The following GHR variants were observed in gnomAD, a reference collection of about 807,000 sequenced individuals.
GHR encodes the protein GH receptor.
A neutral mutation model predicts 67.1 loss-of-function variants in GHR; 35 were observed. The observed-to-expected ratio is 0.52, with a 90% confidence interval of 0.40 to 0.69. The LOEUF is 0.69. GHR is among the 30% of genes least tolerant of loss of function. GHR has a pLI of 0.00. For missense variants in GHR, 792 were observed against 764.6 expected (o/e 1.04, Z -0.42); for synonymous variants, 272 against 269.1 (o/e 1.01, Z -0.10).
rs867392523 is a variant in GHR, at chr5:42,718,457, G to A, written c.950G>A (p.Gly317Glu). The A allele has an allele frequency of 6.2e-7, 1 of 1,606,454 alleles. No individual in the cohort carries two copies. Among genetic ancestry groups the A allele is most frequent in the Non-Finnish European group, 8.5e-7 (1 of 1,173,536 alleles). ...CATTTTCTTTCTATTTTCTAGGAAG[G>A]AAAATTAGAGGAGGTGAACACAATC... Reference protein sequence around the residue: ...KGIDPDLLKEGKLEEVNTILA... With the variant: ...KGIDPDLLKEEKLEEVNTILA... The change falls in exon 10 of 10, where the codon GGA (glycine) becomes GAA (glutamate). Residue 317 changes from glycine (G) to glutamate (E), a missense_variant. Gly to Glu is a moderately conservative substitution (Grantham distance 98). Coordinates refer to ENST00000230882, the MANE Select transcript of GHR (RefSeq NM_000163.5).
rs1753603288 is a variant in GHR, at chr5:42,624,478, C to T, written c.71-4560C>T. ...AATAACACATATGTTTATGTGCTAT[C>T]CCATGATTAACATATTTTTAAAACC... On this transcript the variant is annotated intron_variant, in intron 2 of 9. Transcript: ENST00000230882. Among the ~76,000 whole-genome samples, 3 of 152,156 alleles carry T rather than the reference C, an allele frequency of 2.0e-5. 1 individual carries two copies. The South Asian group carries it at 6.2e-4, about 32-fold the overall frequency.
chr5:42,679,186 A>C (rs1033580382), intron 3 of GHR, among the ~76,000 whole-genome samples: 1 of 143,766 alleles, frequency 7.0e-6, no homozygotes, highest in Non-Finnish European at 1.5e-5. Context: ...TATATTGTAT[A>C]TTATATATTA....
rs546146914 is a variant in GHR, at chr5:42,503,152, G to A, written c.-11-62712G>A. 3.7e-4 allele frequency among the ~76,000 whole-genome samples: 56 copies of A among 152,202 alleles called. 1 individual carries two copies. In the South Asian group the frequency reaches 8.7e-3, roughly 24 times the overall value. ...TTTTGCCCTTGGCATGTTCCAAATC[G>A]CTTCCTTATGCTCAACCTTCTGAGC... On this transcript the variant is annotated intron_variant, in intron 1 of 9. Coordinates refer to ENST00000230882, the MANE Select transcript of GHR (RefSeq NM_000163.5).
chr5:42,504,329 T>C (rs11748366), intron 1 of GHR, among the ~76,000 whole-genome samples: 24,625 of 152,012 alleles, frequency 0.16, 2,222 homozygotes, highest in Middle Eastern at 0.26. Context: ...AAGAAAGAAA[T>C]GGGGACAGTG....
intron 1 of GHR, among the ~76,000 whole-genome samples, chr5:42,483,096 T>A (rs1745726984): frequency 6.6e-6 from 1 of 152,170 alleles, no homozygotes; most frequent in Non-Finnish European, 1.5e-5. Flanking sequence ...TGAGACAGGG[T>A]CTCACTTTGT....
rs192330074 is a variant in GHR at position 42,535,575 on chromosome 5, G to A, written c.-11-30289G>A. On this transcript the variant is annotated intron_variant, in intron 1 of 9. Transcript: ENST00000230882. ...TGACTATGGCCTTAGAGTATAGTTT[G>A]AAATCAGGCAGTGTGATTCCTCCAG... 2.9e-3 allele frequency among the ~76,000 whole-genome samples: 442 copies of A among 152,220 alleles called. 1 individual carries two copies. The highest frequency in any genetic ancestry group is 5.1e-3 in the Admixed American group (78 of 15,284).
rs773900711 is a variant in GHR, at chr5:42,713,539, C to A, written c.875+20C>A. The A allele has an allele frequency of 9.9e-7, 1 of 1,007,822 alleles. No individual in the cohort carries two copies. The highest frequency in any genetic ancestry group is 1.6e-6 in the Non-Finnish European group (1 of 635,374). 62.4% of individuals were successfully genotyped at this position (1,007,822 alleles called of 1,614,324 possible). On this transcript the variant is annotated intron_variant, in intron 8 of 9. Transcript: ENST00000230882. ...GCAAAGGTAGGTGTGGAGTAGTATTCTTTGGTATTTTGTACCAGTTGTTTA... is the reference window on the plus strand; with the variant it reads ...GCAAAGGTAGGTGTGGAGTAGTATTATTTGGTATTTTGTACCAGTTGTTTA...
rs144712976 is a variant in GHR, at chr5:42,439,125, A to G, written c.-12+15170A>G. Among the ~76,000 whole-genome samples the G allele has an allele frequency of 2.0e-3, 301 of 152,364 alleles. 1 individual carries two copies. Among genetic ancestry groups the G allele is most frequent in the Non-Finnish European group, 3.5e-3 (237 of 68,034 alleles). ...ATGTCCAAAAAACATCATAGTTACA[A>G]TGACATCTCTAGGATTGAGGATTTT... On this transcript the variant is annotated intron_variant, in intron 1 of 9. Transcript: ENST00000230882.
intron 1 of GHR, among the ~76,000 whole-genome samples, chr5:42,561,881 C>G (rs1749627746): frequency 6.6e-6 from 1 of 152,148 alleles, no homozygotes; most frequent in South Asian, 2.1e-4. Context: ...TTAGTAGATT[C>G]CTCCGAACAA....
chr5:42,519,236 A>C (rs1419537782), intron 1 of GHR, among the ~76,000 whole-genome samples: 1 of 152,204 alleles, frequency 6.6e-6, no homozygotes, highest in Non-Finnish European at 1.5e-5. Context: ...CTTCAGCCCA[A>C]AACTTTTTGG....
chr5:42,683,289 C>T (rs574818115), intron 3 of GHR, among the ~76,000 whole-genome samples: 4 of 152,092 alleles, frequency 2.6e-5, no homozygotes, highest in East Asian at 1.9e-4. Flanking sequence ...CATGAGCCAC[C>T]GCGCCCAGCC....
intron 3 of GHR, among the ~76,000 whole-genome samples, chr5:42,654,962 T>A (rs919906691): frequency 1.3e-5 from 2 of 152,080 alleles, no homozygotes; most frequent in Non-Finnish European, 2.9e-5. Flanking sequence ...AAACTCCTCA[T>A]CTGAAAGGGT....
chr5:42,616,625 T>TAC (rs1753163891), intron 2 of GHR, among the ~76,000 whole-genome samples: 1 of 151,070 alleles, frequency 6.6e-6, no homozygotes, highest in Non-Finnish European at 1.5e-5. Flanking sequence ...GAACCATCAA[T>TAC]GTGTAGATGA....
intron 1 of GHR, among the ~76,000 whole-genome samples, chr5:42,470,794 T>C (rs1024159330): frequency 2.6e-5 from 4 of 152,206 alleles, no homozygotes; most frequent in Non-Finnish European, 5.9e-5. Context: ...GAAGGACTAA[T>C]GAATTTAGTT....
intron 3 of GHR, among the ~76,000 whole-genome samples, chr5:42,677,169 A>T (rs1756610941): frequency 6.6e-6 from 1 of 152,200 alleles, no homozygotes; most frequent in African/African-American, 2.4e-5. Context: ...GCTATTAGTG[A>T]GAGAACTCAA....
intron 1 of GHR, among the ~76,000 whole-genome samples, chr5:42,464,079 A>G (rs1202684370): frequency 1.4e-5 from 2 of 146,294 alleles, no homozygotes; most frequent in African/African-American, 5.0e-5. Context: ...AAGTGCTCAG[A>G]GTCACATAAC....
intron 2 of GHR, among the ~76,000 whole-genome samples, chr5:42,573,512 G>C (rs932308555): frequency 1.3e-5 from 2 of 151,974 alleles, no homozygotes; most frequent in African/African-American, 4.8e-5. Context: ...TGCATTAAGT[G>C]ACCCGGTCAC....
chr5:42,480,744 A>G (rs900308380), intron 1 of GHR, among the ~76,000 whole-genome samples: 1 of 152,116 alleles, frequency 6.6e-6, no homozygotes, highest in Non-Finnish European at 1.5e-5. Flanking sequence ...TGCTTGGTAG[A>G]TCTTCATGCG....
intron 6 of GHR, among the ~76,000 whole-genome samples, chr5:42,703,291 C>T (rs912065830): frequency 1.3e-5 from 2 of 151,942 alleles, no homozygotes; most frequent in Non-Finnish European, 2.9e-5. Flanking sequence ...CCAATTTTCC[C>T]AACAACATTT....
Sources: allele counts gnomAD v4.1 joint callset (sites outside exome capture counted in the v4.1 genomes callset), GRCh38; gene constraint gnomAD v4.1.1; transcripts MANE v1.5; gene names NCBI Gene and HGNC (gene_info 2026-07-23, HGNC 2026-07-21).